Variants in MSI2 observed in about 807,000 individuals in gnomAD.
MSI2 encodes the protein RNA-binding protein Musashi homolog 2.
Under a neutral mutation model 45.6 loss-of-function variants are expected in MSI2, and 17 were observed. The observed-to-expected ratio is 0.37, with a 90% CI of 0.26 to 0.56. The LOEUF (loss-of-function observed/expected upper bound fraction) is 0.56. Ranked by LOEUF, MSI2 falls within the 20% of genes least tolerant of loss-of-function variation. MSI2 has a pLI of 0.77. For synonymous variants in MSI2, 156 were observed against 158.2 expected, an observed-to-expected ratio of 0.99 and a Z score of 0.11; for missense variants, 293 against 444.2, an observed-to-expected ratio of 0.66 and a Z score of 3.06.
intron 5 of MSI2, among the ~76,000 whole-genome samples, chr17:57,378,037 T>G (rs1400225969): frequency 1.4e-5 from 2 of 147,200 alleles, no homozygotes; most frequent in African/African-American, 5.1e-5. Context: ...ATTGCACCAC[T>G]GCACTCCAGC....
chr17:57,674,669 T>A (rs1303174955), intron 11 of MSI2, among the ~76,000 whole-genome samples: 3 of 152,146 alleles, frequency 2.0e-5, no homozygotes, highest in Non-Finnish European at 4.4e-5. Flanking sequence ...TGGTGGGCAG[T>A]GAAGCACCTC....
intron 5 of MSI2, among the ~76,000 whole-genome samples, chr17:57,276,769 T>A (rs1908881124): frequency 6.6e-6 from 1 of 152,120 alleles, no homozygotes; most frequent in Non-Finnish European, 1.5e-5. Flanking sequence ...CCAAATTGGG[T>A]GACGCTAGAA....
chr17:57,598,104 G>T (rs1905443882), intron 8 of MSI2, among the ~76,000 whole-genome samples: 1 of 152,188 alleles, frequency 6.6e-6, no homozygotes, highest in Admixed American at 6.5e-5. Context: ...GTTGGTTCCA[G>T]AAAAATAGAA....
chr17:57,577,910 T>A (rs2088093306), intron 7 of MSI2, among the ~76,000 whole-genome samples: 1 of 152,186 alleles, frequency 6.6e-6, no homozygotes, highest in African/African-American at 2.4e-5. Flanking sequence ...GCATTGTTGA[T>A]AATAACATCT....
chr17:57,350,485 G>A (rs950852885), intron 5 of MSI2, among the ~76,000 whole-genome samples: 3 of 152,118 alleles, frequency 2.0e-5, no homozygotes, highest in Admixed American at 6.6e-5. Flanking sequence ...CATTGCCTCA[G>A]GATAAAGTCC....
At chr17:57,592,263 C>G (rs890118647) in intron 7 of MSI2, among the ~76,000 whole-genome samples, 1 of 152,010 alleles carries the variant, frequency 6.6e-6, no homozygotes, top group Non-Finnish European at 1.5e-5. Context: ...GACTGTGATG[C>G]CAAAAGGATT....
intron 6 of MSI2, among the ~76,000 whole-genome samples, chr17:57,410,047 CA>C: frequency 7.7e-6 from 1 of 129,450 alleles, no homozygotes; most frequent in Non-Finnish European, 1.6e-5. Context: ...GGAGCCAGTG[CA>C]CCACAGGCCA....
At chr17:57,644,552 C>G (rs1176597704) in intron 10 of MSI2, among the ~76,000 whole-genome samples, 1 of 152,150 alleles carries the variant, frequency 6.6e-6, no homozygotes, top group African/African-American at 2.4e-5. Flanking sequence ...TGTTTCCAAA[C>G]TCTCGTAGGA....
intron 5 of MSI2, among the ~76,000 whole-genome samples, chr17:57,380,723 G>A (rs1377753987): frequency 6.6e-6 from 1 of 152,198 alleles, no homozygotes; most frequent in Non-Finnish European, 1.5e-5. Flanking sequence ...TGAGCACCTG[G>A]GTGCTTTGAA....
At chr17:57,678,079 A>C (rs1401820495) in intron 13 of MSI2, among the ~76,000 whole-genome samples, 1 of 152,214 alleles carries the variant, frequency 6.6e-6, no homozygotes, top group Non-Finnish European at 1.5e-5. Flanking sequence ...AGGAGAAGCA[A>C]GGCTGGAGAT....
chr17:57,326,027 C>T (rs1052341766), intron 5 of MSI2, among the ~76,000 whole-genome samples: 4 of 152,112 alleles, frequency 2.6e-5, no homozygotes, highest in Non-Finnish European at 5.9e-5. Flanking sequence ...CAGTGGGGCT[C>T]CCTTTTTTCC....
rs1375907191 is a variant in MSI2, at chr17:57,552,035, A to G, written c.454+22311A>G. ...CTTGCTGCATAGAGGGGTTTTCTGG[A>G]ACAGAGAATGTGCTGGACCTAGAGC... On this transcript the variant is annotated intron_variant, in intron 7 of 13. Coordinates refer to ENST00000284073, the MANE Select transcript of MSI2 (RefSeq NM_138962.4). This position sits in a 1 kb window ranked among gnomAD's most constrained non-coding sequence, Gnocchi z 4.3. Among the ~76,000 whole-genome samples the G allele has an allele frequency of 6.6e-6, 1 of 152,086 alleles. No homozygotes were observed. The highest frequency in any genetic ancestry group is 1.5e-5 in the Non-Finnish European group (1 of 68,018).
chr17:57,408,219 C>T (rs1238943151), intron 6 of MSI2, among the ~76,000 whole-genome samples: 6 of 152,198 alleles, frequency 3.9e-5, no homozygotes, highest in Non-Finnish European at 8.8e-5. Context: ...TTCTGAAATA[C>T]TGGGTTTCTA....
At chr17:57,634,336 G>T (rs1277582128) in intron 10 of MSI2, among the ~76,000 whole-genome samples, 1 of 151,796 alleles carries the variant, frequency 6.6e-6, no homozygotes, top group Non-Finnish European at 1.5e-5. Context: ...AGTGGTGGCG[G>T]GTGCCTGTAG....
Position 57,627,109 on chromosome 17 carries a change from C to T in MSI2, c.653-120C>T. The T allele has an allele frequency of 1.1e-6, 1 of 947,882 alleles. No homozygotes were observed. Among genetic ancestry groups the T allele is most frequent in the Non-Finnish European group, 1.7e-6 (1 of 589,658 alleles). 58.7% of individuals were successfully genotyped at this position (947,882 alleles called of 1,614,324 possible). The stretch of plus-strand genomic sequence containing the variant: ...TTAATAAAAAAACCCTCATGAGAGA[C>T]AAATTATTCTGTGAAGGAAAATAAC... On this transcript the variant is annotated intron_variant, in intron 9 of 13. Coordinates refer to ENST00000284073, the MANE Select transcript of MSI2 (RefSeq NM_138962.4). The surrounding 1 kb of genome is among the most constrained non-coding windows in gnomAD (Gnocchi z 4.6).
chr17:57,685,848 G>A (rs1437574142), downstream of MSI2, among the ~76,000 whole-genome samples: 1 of 152,210 alleles, frequency 6.6e-6, no homozygotes, highest in African/African-American at 2.4e-5. Context: ...CCTGAGAGAA[G>A]TGAGCCAGAC....
chr17:57,584,887 T>C (rs1364741056), intron 7 of MSI2, among the ~76,000 whole-genome samples: 1 of 151,938 alleles, frequency 6.6e-6, no homozygotes, highest in East Asian at 1.9e-4. Flanking sequence ...ATTGGCATGA[T>C]CGCGGCTCAC....
intron 7 of MSI2, among the ~76,000 whole-genome samples, chr17:57,590,533 T>C (rs2144416738): frequency 6.6e-6 from 1 of 152,372 alleles, no homozygotes. Flanking sequence ...TCTTAAATAG[T>C]GCTTACTTGT....
At chr17:57,444,241 T>C (rs2084854029) in intron 6 of MSI2, among the ~76,000 whole-genome samples, 1 of 152,150 alleles carries the variant, frequency 6.6e-6, no homozygotes, top group South Asian at 2.1e-4. Flanking sequence ...CAGTGCACCG[T>C]CAGCAGCCTT....
Sources: allele counts gnomAD v4.1 joint callset (sites outside exome capture counted in the v4.1 genomes callset), GRCh38; gene constraint gnomAD v4.1.1; non-coding constraint Gnocchi (gnomAD v3.1); transcripts MANE v1.5; gene names NCBI Gene and HGNC (gene_info 2026-07-23, HGNC 2026-07-21).